The following MYOM2 variants were observed in gnomAD, a reference collection of about 807,000 sequenced individuals.
MYOM2 encodes the protein myomesin 2, also known as myomesin-2.
A neutral mutation model predicts 187.6 loss-of-function variants in MYOM2; 254 were observed. The observed-to-expected ratio is 1.35, with a 90% CI of 1.22 to 1.50. MYOM2 has a LOEUF of 1.50. Ranked by LOEUF, MYOM2 falls within the 40% of genes most tolerant of loss-of-function variation. The probability of loss-of-function intolerance (pLI) is 0.00; values close to 1 mark genes in which losing one functional copy is unlikely to be tolerated. For missense variants in MYOM2, 2,796 were observed against 1,924.0 expected, an observed-to-expected ratio of 1.45 and a Z score of -8.48; for synonymous variants, 981 against 753.8, an observed-to-expected ratio of 1.30 and a Z score of -4.94.
chr8:2,102,451 A>G (rs941580214), intron 20 of MYOM2, among the ~76,000 whole-genome samples: 1 of 150,570 alleles, frequency 6.6e-6, no homozygotes, highest in African/African-American at 2.4e-5. Flanking sequence ...AAGAGGTTCC[A>G]TCAGATTGGG....
chr8:2,100,714 C>T (rs1796676988), intron 19 of MYOM2, among the ~76,000 whole-genome samples, 162 bp from the exon 20 acceptor site: 2 of 152,140 alleles, frequency 1.3e-5, no homozygotes, highest in South Asian at 4.1e-4. Context: ...CCTCCTTACC[C>T]TGCTCTGCAA....
At chr8:2,092,661 G>C in intron 16 of MYOM2, 141 bp downstream of exon 16, 1 of 832,100 alleles carries the variant, frequency 1.2e-6, no homozygotes, top group Non-Finnish European at 1.8e-6. Flanking sequence ...CACAAGGGCT[G>C]TATAATTTTA....
At position 2,074,303 on chromosome 8, in the gene MYOM2, A is replaced by T. The variant is rs141095004; in HGVS notation, c.1120+803A>T. Among the ~76,000 whole-genome samples, 41 of 152,286 alleles carry T rather than the reference A, an allele frequency of 2.7e-4. 1 individual carries two copies. The East Asian group carries it at 5.8e-3, about 22-fold the overall frequency. On this transcript the variant is annotated intron_variant, in intron 10 of 36. Transcript: ENST00000262113. ...CTCAGTTTTCCAGATGAATCCATGG[A>T]GGCTCAGAGGCAGGAGAAATGTCTC...
chr8:2,108,758 G>A (rs779438002), intron 23 of MYOM2, 28 bp from the exon 24 acceptor site: 2 of 1,613,354 alleles, frequency 1.2e-6, no homozygotes, highest in Non-Finnish European at 1.7e-6. Context: ...AGGTCCAGAT[G>A]AATTGAAATA....
chr8:2,135,882 C>A (rs1027991171), intron 32 of MYOM2, among the ~76,000 whole-genome samples: 1 of 152,198 alleles, frequency 6.6e-6, no homozygotes, highest in Non-Finnish European at 1.5e-5. Context: ...GTTTGGCCCT[C>A]TTATAAGTTG....
intron 32 of MYOM2, among the ~76,000 whole-genome samples, chr8:2,132,339 AG>A (rs1425195265): frequency 6.6e-6 from 1 of 152,234 alleles, no homozygotes; most frequent in East Asian, 1.9e-4. Flanking sequence ...AAAAATGCTG[AG>A]TAATACATCA....
chr8:2,136,722 G>A lies in MYOM2; in HGVS notation c.3801-4001G>A, dbSNP rs182919473. 1.2e-3 allele frequency among the ~76,000 whole-genome samples: 190 copies of A among 152,292 alleles called. 1 individual carries two copies. Among genetic ancestry groups the A allele is most frequent in the African/African-American group, 4.4e-3 (184 of 41,560 alleles). On this transcript the variant is annotated intron_variant, in intron 32 of 36. Coordinates refer to ENST00000262113, the MANE Select transcript of MYOM2 (RefSeq NM_003970.4). ...TGGGACACATTTACAGCTATTTTATGAATGATCGCGTGAAGGTGTACCTTT... is the reference window on the plus strand; with the variant it reads ...TGGGACACATTTACAGCTATTTTATAAATGATCGCGTGAAGGTGTACCTTT...
intron 18 of MYOM2, 39 bp from the exon 19 acceptor site, chr8:2,098,818 C>G (rs1179546440): frequency 6.3e-7 from 1 of 1,580,294 alleles, no homozygotes; most frequent in Non-Finnish European, 8.7e-7. Context: ...TGTAAGGCAT[C>G]CTTTATCTCA....
intron 32 of MYOM2, among the ~76,000 whole-genome samples, chr8:2,140,487 A>G (rs923283194): frequency 1.2e-4 from 18 of 152,266 alleles, no homozygotes; most frequent in African/African-American, 4.3e-4. Context: ...TGTCGTGACA[A>G]GTATATATTA....
intron 32 of MYOM2, among the ~76,000 whole-genome samples, chr8:2,137,703 G>C (rs74588406): frequency 0.031 from 4,769 of 152,216 alleles, 255 homozygotes; most frequent in African/African-American, 0.11. Flanking sequence ...CCACATGCTT[G>C]TGGAACCCTG....
chr8:2,093,466 G>GT (rs1260318825), intron 16 of MYOM2, among the ~76,000 whole-genome samples: 1 of 152,164 alleles, frequency 6.6e-6, no homozygotes, highest in Non-Finnish European at 1.5e-5. Flanking sequence ...GTGCTGTGGG[G>GT]TGGGAATTAT....
rs886568824 is a variant in MYOM2 at position 2,100,466 on chromosome 8, G to T, written c.2441-410G>T. The T allele has an allele frequency of 7.6e-5, 14 of 183,838 alleles. No homozygotes were observed. In the East Asian group the frequency reaches 1.9e-3, roughly 24 times the overall value. 11.4% of individuals were successfully genotyped at this position (183,838 alleles called of 1,614,324 possible). A position where few individuals can be genotyped will look rare whatever the true frequency, so the allele number is the denominator to read the frequency against. On this transcript the variant is annotated intron_variant, in intron 19 of 36. Coordinates refer to ENST00000262113, the MANE Select transcript of MYOM2 (RefSeq NM_003970.4). Reference sequence around the variant, plus strand: ...CTCAGAGTTGCCGCGGGTGTTCGTAGAGGACAGGGCTGCAGTGATGTGCTT... The same window carrying T: ...CTCAGAGTTGCCGCGGGTGTTCGTATAGGACAGGGCTGCAGTGATGTGCTT...
At chr8:2,141,262 A>G in intron 34 of MYOM2, 85 bp downstream of exon 34, 2 of 1,212,324 alleles carry the variant, frequency 1.6e-6, no homozygotes, top group South Asian at 2.6e-5. Context: ...ATCTGTATGG[A>G]AGCCTGGGTG....
intron 10 of MYOM2, 36 bp downstream of exon 10, chr8:2,073,536 T>G: frequency 6.4e-7 from 1 of 1,553,678 alleles, no homozygotes; most frequent in Non-Finnish European, 8.7e-7. Context: ...GCAGACCTTG[T>G]GTGTGCCCGG....
chr8:2,102,562 A>G, intron 20 of MYOM2, 105 bp from the exon 21 acceptor site: 1 of 618,568 alleles, frequency 1.6e-6, no homozygotes, highest in Non-Finnish European at 2.8e-6. Flanking sequence ...TAACTGGAAA[A>G]ATAAGCTATT....
In MYOM2 at chr8:2,098,917, G is replaced by A. The variant is rs34863717; in HGVS notation, c.2374G>A (p.Gly792Ser). The change falls in exon 19 of 37, where the codon GGC becomes AGC. Residue 792 changes from glycine (G) to serine (S), a missense_variant. Coordinates refer to ENST00000262113, the MANE Select transcript of MYOM2 (RefSeq NM_003970.4). Reference sequence around the variant, plus strand: ...CAAAATCGCCGCCGTCAACCTGGCCGGCATCGGGGAGCCCTCAGATCCCAG... The same window carrying A: ...CAAAATCGCCGCCGTCAACCTGGCCAGCATCGGGGAGCCCTCAGATCCCAG... ...EFKIAAVNLAGIGEPSDPSEH... is the reference protein window; with the variant it reads ...EFKIAAVNLASIGEPSDPSEH... The A allele has an allele frequency of 2.1e-4, 336 of 1,613,162 alleles. 1 individual carries two copies. Among genetic ancestry groups the A allele is most frequent in the Non-Finnish European group, 2.5e-4 (298 of 1,179,748 alleles).
chr8:2,089,086 C>G (rs940481566), intron 14 of MYOM2, among the ~76,000 whole-genome samples: 9 of 140,744 alleles, frequency 6.4e-5, no homozygotes, highest in African/African-American at 2.3e-4. Flanking sequence ...AAATATGAGT[C>G]TGATTTCTAG....
At chr8:2,056,913 C>T (rs1404309691) in intron 3 of MYOM2, among the ~76,000 whole-genome samples, 1 of 152,186 alleles carries the variant, frequency 6.6e-6, no homozygotes, top group Non-Finnish European at 1.5e-5. Flanking sequence ...ATGTGAGTTT[C>T]TGTGCACACG....
chr8:2,089,905 G>A, intron 14 of MYOM2, 103 bp from the exon 15 acceptor site: 1 of 1,088,460 alleles, frequency 9.2e-7, no homozygotes, highest in Non-Finnish European at 1.3e-6. Flanking sequence ...GGGCGCGCCT[G>A]GTGGTCCTGG....
Sources: gnomAD v4.1 joint callset for allele counts (sites outside exome capture counted in the v4.1 genomes callset) on GRCh38, gnomAD v4.1.1 for gene constraint, MANE v1.5 for transcripts, NCBI Gene and HGNC (gene_info 2026-07-23, HGNC 2026-07-21) for gene names.